The following OPN5 variants were observed in gnomAD, a reference collection of about 807,000 sequenced individuals.
OPN5 encodes the protein opsin 5.
A neutral mutation model predicts 41.7 loss-of-function variants in OPN5; 18 were observed. That is an observed-to-expected ratio of 0.43 (90% confidence interval 0.30 to 0.64). The LOEUF is 0.64. Among genes scored for constraint, OPN5 ranks in the 30% least tolerant of loss-of-function variants. OPN5 has a pLI of 0.13. For synonymous variants in OPN5, 178 were observed against 164.3 expected (o/e 1.08, Z -0.64); for missense variants, 318 against 434.5 (o/e 0.73, Z 2.38).
chr6:47,803,034 A>G (rs1773833941), intron 4 of OPN5, among the ~76,000 whole-genome samples: 1 of 152,286 alleles, frequency 6.6e-6, no homozygotes, highest in South Asian at 2.1e-4. Context: ...AAGGTACACC[A>G]AAGATGTCAG....
At chr6:47,813,070 AC>A (rs1200040459) in intron 6 of OPN5, among the ~76,000 whole-genome samples, 1 of 19,022 alleles carries the variant, frequency 5.3e-5, no homozygotes, top group Non-Finnish European at 1.7e-4. Flanking sequence ...TATGATTAAA[AC>A]AACAACAACA....
At chr6:47,811,766 C>T (rs773983665) in intron 6 of OPN5, 35 bp downstream of exon 6, 20 of 1,422,234 alleles carry the variant, frequency 1.4e-5, no homozygotes, top group African/African-American at 8.4e-5. Context: ...TATGGACACT[C>T]GTATTCACTT....
chr6:47,787,265 T>A, intron 2 of OPN5: 2 of 586,936 alleles, frequency 3.4e-6, no homozygotes, highest in Non-Finnish European at 4.3e-6. Context: ...TCAGGATATT[T>A]AAAATGAGAA....
intron 6 of OPN5, among the ~76,000 whole-genome samples, chr6:47,812,521 G>A (rs1762281429): frequency 6.6e-6 from 1 of 152,034 alleles, no homozygotes; most frequent in Admixed American, 6.6e-5. Flanking sequence ...AACACCTTTT[G>A]AGGCAGACAG....
Position 47,802,881 on chromosome 6 carries a change from T to C in OPN5, c.757-5273T>C, listed in dbSNP as rs375507834. Among the ~76,000 whole-genome samples, 4 of 152,310 alleles carry C rather than the reference T, an allele frequency of 2.6e-5. No homozygotes were observed. The East Asian group carries it at 7.7e-4, about 29-fold the overall frequency. On this transcript the variant is annotated intron_variant, in intron 4 of 6. Coordinates refer to ENST00000371211, the Ensembl canonical transcript of OPN5. ...TCTTTTCAGTTGCAGCTTTTGCTTG[T>C]TTATAGAGTAGCGGTATTTTAAGAT...
exon 4 of OPN5, chr6:47,795,525 A>T (rs1211741563): frequency 6.2e-7 from 1 of 1,613,900 alleles, no homozygotes; most frequent in African/African-American, 1.3e-5. Flanking sequence ...CGACAGTCGG[A>T]TCCATAGCAG....
downstream of OPN5, chr6:47,825,275 A>T (rs1762759096): frequency 1.3e-5 from 2 of 152,252 alleles, no homozygotes; most frequent in Non-Finnish European, 2.9e-5. Context: ...CAAATATGCA[A>T]GTACCTTTAA....
chr6:47,794,973 C>T (rs1266252709), intron 3 of OPN5: 1 of 422,634 alleles, frequency 2.4e-6, no homozygotes. Context: ...TGTCCCTTTT[C>T]CCAGCTGTTG....
chr6:47,825,442 T>C (rs1301435231), downstream of OPN5: 1 of 152,204 alleles, frequency 6.6e-6, no homozygotes, highest in African/African-American at 2.4e-5. Context: ...ATAAGTTAGG[T>C]ACTTTGGCAA....
chr6:47,807,758 T>C (rs1240655068), intron 4 of OPN5, among the ~76,000 whole-genome samples: 3 of 152,110 alleles, frequency 2.0e-5, no homozygotes, highest in Non-Finnish European at 2.9e-5. Flanking sequence ...GAGGTGAATA[T>C]GGATGATTTA....
At chr6:47,805,976 C>G (rs772718989) in intron 4 of OPN5, among the ~76,000 whole-genome samples, 2 of 152,016 alleles carry the variant, frequency 1.3e-5, no homozygotes, top group Non-Finnish European at 2.9e-5. Flanking sequence ...TGATCAAGAT[C>G]TTTTGAGTCA....
At chr6:47,813,829 T>C (rs1339677373) in intron 6 of OPN5, among the ~76,000 whole-genome samples, 1 of 151,678 alleles carries the variant, frequency 6.6e-6, no homozygotes, top group Non-Finnish European at 1.5e-5. Context: ...TGAAGAAGAG[T>C]TGAGGATAAC....
chr6:47,809,111 G>A (rs1363300059), intron 5 of OPN5, among the ~76,000 whole-genome samples: 1 of 152,080 alleles, frequency 6.6e-6, no homozygotes, highest in African/African-American at 2.4e-5. Flanking sequence ...AGACCCAAAA[G>A]GCTCAGGGTG....
At chr6:47,819,336 A>AATATATAT (rs1363402346) in intron 6 of OPN5, among the ~76,000 whole-genome samples, 10 of 24,322 alleles carry the variant, frequency 4.1e-4, no homozygotes, top group Admixed American at 1.3e-3. Flanking sequence ...GAAAATTAGG[A>AATATATAT]ATATATATAT....
chr6:47,812,291 C>T (rs1171248826), intron 6 of OPN5, among the ~76,000 whole-genome samples: 1 of 152,136 alleles, frequency 6.6e-6, no homozygotes, highest in African/African-American at 2.4e-5. Flanking sequence ...GGAAAACTCT[C>T]CTGTATCTCC....
intron 6 of OPN5, among the ~76,000 whole-genome samples, chr6:47,816,816 G>A (rs1762440937): frequency 6.6e-6 from 1 of 152,064 alleles, no homozygotes; most frequent in Non-Finnish European, 1.5e-5. Context: ...AGATTCTCAG[G>A]ACAGTTCTGG....
Position 47,795,568 on chromosome 6 carries a change from G to A in OPN5, c.756+5G>A, listed in dbSNP as rs773595713. 2.5e-6 allele frequency: 4 copies of A among 1,601,748 alleles called. No homozygotes were observed. In the Admixed American group the frequency reaches 6.7e-5, roughly 27 times the overall value. On this transcript the variant is annotated splice_donor_5th_base_variant and intron_variant, in intron 4 of 6. Transcript: ENST00000371211. ...CTGGAAATGAAACTGACAAAGGTAAGTGCACTAATATTTTACACATGTGTT... is the reference window on the plus strand; with the variant it reads ...CTGGAAATGAAACTGACAAAGGTAAATGCACTAATATTTTACACATGTGTT...
At chr6:47,797,797 G>T (rs1382498920) in intron 4 of OPN5, among the ~76,000 whole-genome samples, 1 of 152,106 alleles carries the variant, frequency 6.6e-6, no homozygotes, top group Admixed American at 6.6e-5. Flanking sequence ...TTGCCATGAG[G>T]CTCTTCTTCA....
At chr6:47,787,783 C>T (rs1246496565) in intron 2 of OPN5, among the ~76,000 whole-genome samples, 1 of 151,876 alleles carries the variant, frequency 6.6e-6, no homozygotes. Flanking sequence ...TAAAACTAAA[C>T]AAAACAAATA....
Sources: gnomAD v4.1 joint callset for allele counts (sites outside exome capture counted in the v4.1 genomes callset) on GRCh38, gnomAD v4.1.1 for gene constraint, MANE v1.5 for transcripts, NCBI Gene and HGNC (gene_info 2026-07-23, HGNC 2026-07-21) for gene names.